The following SLC12A2 variants were observed in gnomAD, a reference collection of about 807,000 sequenced individuals.
SLC12A2 encodes the protein solute carrier family 12 member 2, also known as Na-K-2Cl cotransporter 1.
A neutral mutation model predicts 136.3 loss-of-function variants in SLC12A2; 67 were observed. That is an observed-to-expected ratio of 0.49 (90% CI 0.40 to 0.60). The LOEUF is 0.60. Among genes scored for constraint, SLC12A2 ranks in the 20% least tolerant of loss-of-function variants. The probability of loss-of-function intolerance (pLI) is 0.00; values close to 1 mark genes in which losing one functional copy is unlikely to be tolerated. For synonymous variants in SLC12A2, 619 were observed against 562.9 expected (o/e 1.10, Z -1.41); for missense variants, 1,322 against 1,534.7 (o/e 0.86, Z 2.32).
chr5:128,098,845 T>G (rs957123798), intron 1 of SLC12A2, among the ~76,000 whole-genome samples: 8 of 152,142 alleles, frequency 5.3e-5, no homozygotes, highest in African/African-American at 1.9e-4. Context: ...GGCTTACCCT[T>G]GCCATCATTA....
intron 4 of SLC12A2, among the ~76,000 whole-genome samples, chr5:128,115,052 T>C (rs1434167439): frequency 6.6e-6 from 1 of 152,152 alleles, no homozygotes; most frequent in Non-Finnish European, 1.5e-5. Flanking sequence ...CCATCCCCTA[T>C]TGAGGAAAAC....
intron 6 of SLC12A2, among the ~76,000 whole-genome samples, chr5:128,134,523 A>G (rs564289064): frequency 6.6e-6 from 1 of 152,072 alleles, no homozygotes; most frequent in Non-Finnish European, 1.5e-5. Context: ...CTTCTCGCCC[A>G]TCCTCCAGTT....
intron 1 of SLC12A2, chr5:128,109,591 C>A: frequency 1.4e-6 from 1 of 729,022 alleles, no homozygotes. Context: ...TATGGGGACC[C>A]AGGTTAAAAG....
intron 24 of SLC12A2, 45 bp downstream of exon 24, chr5:128,182,986 TCAGA>T: frequency 8.7e-7 from 1 of 1,152,906 alleles, no homozygotes; most frequent in Non-Finnish European, 1.3e-6. Flanking sequence ...GATGGCCTAC[TCAGA>T]CACAGATTCA....
intron 1 of SLC12A2, among the ~76,000 whole-genome samples, chr5:128,108,730 G>A (rs866102520): frequency 2.6e-5 from 4 of 152,310 alleles, no homozygotes; most frequent in Middle Eastern, 3.4e-3. Flanking sequence ...CAACTTTGTA[G>A]ATATACGAAA....
At position 128,188,247 on chromosome 5, in the gene SLC12A2, C is replaced by CAAGT. The variant is rs940726155; in HGVS notation, c.*1617_*1620dup. 1.4e-5 allele frequency: 2 copies of CAAGT among 146,192 alleles called. No homozygotes were observed. Among genetic ancestry groups the CAAGT allele is most frequent in the African/African-American group, 5.0e-5 (2 of 39,884 alleles). 9.1% of individuals were successfully genotyped at this position (146,192 alleles called of 1,614,324 possible). A position where few individuals can be genotyped will look rare whatever the true frequency, so the allele number is the denominator to read the frequency against. ...ATACTGTTAAGTGGGTTAATTGATA[C>CAAGT]AAGTTTCTGTGGTGGAAAATTTATG... On this transcript the variant is annotated 3_prime_UTR_variant, in exon 27 of 27. Coordinates refer to ENST00000262461, the MANE Select transcript of SLC12A2 (RefSeq NM_001046.3).
intron 1 of SLC12A2, among the ~76,000 whole-genome samples, chr5:128,094,233 A>G (rs1448982622): frequency 1.3e-5 from 2 of 150,652 alleles, no homozygotes; most frequent in East Asian, 1.9e-4. Flanking sequence ...GCTATCTAGT[A>G]TAGGCCTGAC....
chr5:128,100,423 T>C (rs1177675103), intron 1 of SLC12A2, among the ~76,000 whole-genome samples: 3 of 152,186 alleles, frequency 2.0e-5, no homozygotes, highest in African/African-American at 7.2e-5. Context: ...TTAAAGGAAC[T>C]GCACATTGGA....
chr5:128,100,230 T>G (rs1760698708), intron 1 of SLC12A2, among the ~76,000 whole-genome samples: 1 of 152,144 alleles, frequency 6.6e-6, no homozygotes, highest in Non-Finnish European at 1.5e-5. Flanking sequence ...AACATCATTA[T>G]GTAGCACTCG....
chr5:128,189,367 G>C lies in SLC12A2; in HGVS notation c.*2736G>C, dbSNP rs1373513221. On this transcript the variant is annotated 3_prime_UTR_variant, in exon 27 of 27. Coordinates refer to ENST00000262461, the MANE Select transcript of SLC12A2 (RefSeq NM_001046.3). ...TGAGTTTAGAGAGAATGGTGGTGTTGAGCTGATTATTAACAGTTACTGAAA... is the reference window on the plus strand; with the variant it reads ...TGAGTTTAGAGAGAATGGTGGTGTTCAGCTGATTATTAACAGTTACTGAAA... 6.6e-6 allele frequency: 1 copy of C among 152,078 alleles called. No individual in the cohort carries two copies. The highest frequency in any genetic ancestry group is 1.5e-5 in the Non-Finnish European group (1 of 68,000). 9.4% of individuals were successfully genotyped at this position (152,078 alleles called of 1,614,324 possible). A position where few individuals can be genotyped will look rare whatever the true frequency, so the allele number is the denominator to read the frequency against.
chr5:128,096,616 A>G (rs1056088093), intron 1 of SLC12A2, among the ~76,000 whole-genome samples: 8 of 152,064 alleles, frequency 5.3e-5, no homozygotes, highest in African/African-American at 9.7e-5. Flanking sequence ...GCAAATAAGT[A>G]TTTTAAAAGA....
chr5:128,129,681 A>G (rs911168868), intron 4 of SLC12A2, among the ~76,000 whole-genome samples: 3 of 152,156 alleles, frequency 2.0e-5, no homozygotes, highest in Non-Finnish European at 4.4e-5. Context: ...TGGGTGAACA[A>G]TAGAAACAAA....
At chr5:128,150,388 A>G (rs754053139) in intron 13 of SLC12A2, among the ~76,000 whole-genome samples, 7 of 151,718 alleles carry the variant, frequency 4.6e-5, no homozygotes, top group Non-Finnish European at 8.9e-5. Flanking sequence ...GCTGATTTCT[A>G]TTTTAGTTCT....
At chr5:128,086,774 A>G (rs1760114762) in intron 1 of SLC12A2, among the ~76,000 whole-genome samples, 1 of 152,216 alleles carries the variant, frequency 6.6e-6, no homozygotes, top group South Asian at 2.1e-4. Context: ...ATATGACTAT[A>G]CATCACTGTC....
In SLC12A2 at chr5:128,084,801, G is replaced by A. The variant is rs140255104; in HGVS notation, c.756+91G>A. On this transcript the variant is annotated intron_variant, in intron 1 of 26. Transcript: ENST00000262461. The surrounding 1 kb of genome is among the most constrained non-coding windows in gnomAD (Gnocchi z 5.6). ...CAGACTCTTCCCGAGTTGAGGTGGC[G>A]GGAGTAGTAGACGTGCACGACTTGC... 0.013 allele frequency: 18,256 copies of A among 1,365,480 alleles called. 147 individuals carry two copies. Among genetic ancestry groups the A allele is most frequent in the Non-Finnish European group, 0.016 (16,165 of 1,024,550 alleles). 84.6% of individuals were successfully genotyped at this position (1,365,480 alleles called of 1,614,324 possible). A position where few individuals can be genotyped will look rare whatever the true frequency, so the allele number is the denominator to read the frequency against.
intron 16 of SLC12A2, among the ~76,000 whole-genome samples, chr5:128,161,216 A>G (rs527858947): frequency 1.8e-4 from 28 of 152,316 alleles, no homozygotes; most frequent in African/African-American, 6.5e-4. Flanking sequence ...AGAAAAATGC[A>G]TTAATATTTT....
At chr5:128,176,373 G>GTATA (rs1763541978) in intron 20 of SLC12A2, among the ~76,000 whole-genome samples, 1 of 151,902 alleles carries the variant, frequency 6.6e-6, no homozygotes. Flanking sequence ...GCCCACTGTA[G>GTATA]TATACTCTTT....
In SLC12A2 at chr5:128,188,364, G is replaced by A. The variant is rs1054401442; in HGVS notation, c.*1733G>A. 9 of 140,182 alleles carry A rather than the reference G, an allele frequency of 6.4e-5. No individual in the cohort carries two copies. Among genetic ancestry groups the A allele is most frequent in the Non-Finnish European group, 1.4e-4 (9 of 66,508 alleles). The allele number at this position is 140,182 out of a possible 1,614,324, so 8.7% of individuals were successfully genotyped here. A position where few individuals can be genotyped will look rare whatever the true frequency, so the allele number is the denominator to read the frequency against. The stretch of plus-strand genomic sequence containing the variant: ...CGCTGGAATGCAGTAACGTGATCTT[G>A]GCTCACTGCGACCTCCACCTCCCCA... On this transcript the variant is annotated 3_prime_UTR_variant, in exon 27 of 27. Transcript: ENST00000262461.
intron 16 of SLC12A2, among the ~76,000 whole-genome samples, chr5:128,161,376 T>C (rs1442144910): frequency 3.5e-4 from 54 of 152,296 alleles, no homozygotes; most frequent in East Asian, 5.8e-4. Flanking sequence ...TTTGATAGCT[T>C]CTAACCTCTT....
Sources: allele counts gnomAD v4.1 joint callset (sites outside exome capture counted in the v4.1 genomes callset), GRCh38; gene constraint gnomAD v4.1.1; non-coding constraint Gnocchi (gnomAD v3.1); transcripts MANE v1.5; gene names NCBI Gene and HGNC (gene_info 2026-07-23, HGNC 2026-07-21).